TMEM266: variants seen among roughly 807,000 people sequenced by gnomAD.
TMEM266 encodes the protein transmembrane protein 266, also known as Hv1 related protein 1.
TMEM266 carries 33 observed loss-of-function variants against 50.5 expected under a neutral mutation model. That is an observed-to-expected ratio of 0.65 (90% CI 0.50 to 0.87). TMEM266 has a LOEUF of 0.87. Ranked by LOEUF, TMEM266 falls within the 40% of genes least tolerant of loss-of-function variation. TMEM266 has a pLI of 0.00. For missense variants in TMEM266, 655 were observed against 695.1 expected (o/e 0.94, Z 0.65); for synonymous variants, 310 against 292.3 (o/e 1.06, Z -0.62).
chr15:76,137,631 C>A (rs2037611472), intron 2 of TMEM266, 76 bp from the exon 3 acceptor site: 3 of 1,423,216 alleles, frequency 2.1e-6, no homozygotes, highest in African/African-American at 2.8e-5. Flanking sequence ...CATTCTCCCT[C>A]CTTTCCTTGA....
intron 1 of TMEM266, among the ~76,000 whole-genome samples, chr15:76,076,941 G>A (rs1161358306): frequency 1.3e-5 from 2 of 151,758 alleles, no homozygotes; most frequent in Non-Finnish European, 2.9e-5. Context: ...CTGAATAACC[G>A]TTTTTTTGTT....
chr15:76,080,092 C>T (rs879688812), intron 1 of TMEM266, among the ~76,000 whole-genome samples: 70 of 151,220 alleles, frequency 4.6e-4, no homozygotes, highest in Non-Finnish European at 6.5e-4. Context: ...TTCGGCCAGG[C>T]GTGGTTGCTC....
At chr15:76,067,769 A>AT (rs921660980) in intron 1 of TMEM266, among the ~76,000 whole-genome samples, 1 of 149,824 alleles carries the variant, frequency 6.7e-6, no homozygotes, top group Admixed American at 6.7e-5. Flanking sequence ...TCCTTGGGGT[A>AT]TTTTTTTGTG....
At chr15:76,126,347 G>A (rs1772834857) in intron 1 of TMEM266, among the ~76,000 whole-genome samples, 1 of 143,662 alleles carries the variant, frequency 7.0e-6, no homozygotes, top group African/African-American at 2.6e-5. Flanking sequence ...AAATATGTGT[G>A]TGTACACACA....
chr15:76,115,296 G>A (rs569891738), intron 1 of TMEM266, among the ~76,000 whole-genome samples: 1 of 152,222 alleles, frequency 6.6e-6, no homozygotes, highest in African/African-American at 2.4e-5. Flanking sequence ...TTCTTCCAAC[G>A]TATTGTTTCC....
rs535053103 is a variant in TMEM266, at chr15:76,115,262, A to T, written c.-96-18906A>T. 1.1e-4 allele frequency among the ~76,000 whole-genome samples: 17 copies of T among 152,310 alleles called. No individual in the cohort carries two copies. The South Asian group carries it at 3.3e-3, about 30-fold the overall frequency. ...AGACCTTTCAGACGATTGGGAATTC[A>T]TAGGGAACCGTCAAGTTGCTGCTTT... On this transcript the variant is annotated intron_variant, in intron 1 of 10. Coordinates refer to ENST00000388942, the MANE Select transcript of TMEM266 (RefSeq NM_152335.3).
At position 76,187,757 on chromosome 15, in the gene TMEM266, A is replaced by T. The variant is rs373707456; in HGVS notation, c.769-4211A>T. ...CATTGCATAGCCAGCATGAGGCCTC[A>T]GTCTTTGTCTTAACTTTGGGACAGG... On this transcript the variant is annotated intron_variant, in intron 8 of 10. Coordinates refer to ENST00000388942, the MANE Select transcript of TMEM266 (RefSeq NM_152335.3). Among the ~76,000 whole-genome samples, 17 of 152,320 alleles carry T rather than the reference A, an allele frequency of 1.1e-4. 1 individual carries two copies. In the East Asian group the frequency reaches 2.1e-3, roughly 19 times the overall value.
At chr15:76,172,660 G>T (rs918635056) in intron 7 of TMEM266, among the ~76,000 whole-genome samples, 1 of 152,202 alleles carries the variant, frequency 6.6e-6, no homozygotes, top group Non-Finnish European at 1.5e-5. Flanking sequence ...GGCTGGGAAG[G>T]CTCTGGGAGA....
chr15:76,142,079 C>A (rs371815873), intron 3 of TMEM266, among the ~76,000 whole-genome samples: 1 of 152,158 alleles, frequency 6.6e-6, no homozygotes, highest in African/African-American at 2.4e-5. Context: ...CAGACCTGTA[C>A]AAATATCTCT....
Position 76,156,606 on chromosome 15 carries a change from C to T in TMEM266, c.230C>T (p.Ser77Phe), listed in dbSNP as rs751493153. 1 of 1,613,824 alleles carries T rather than the reference C, an allele frequency of 6.2e-7. No homozygotes were observed. Among genetic ancestry groups the T allele is most frequent in the Non-Finnish European group, 8.5e-7 (1 of 1,179,992 alleles). Reference sequence around the variant, plus strand: ...TCTCCCCACTTTTGTCCCCACAGGTCTAACTGGCTGAAGCCGTGCTGTGGG... The same window carrying T: ...TCTCCCCACTTTTGTCCCCACAGGTTTAACTGGCTGAAGCCGTGCTGTGGG... The change falls in exon 4 of 11, where the codon TCT becomes TTT. Residue 77 changes from serine (S) to phenylalanine (F), a missense_variant and splice_region_variant. Ser to Phe is a radical substitution (Grantham distance 155). Transcript: ENST00000388942.
chr15:76,096,932 ATTTTTTT>A (rs61532742), intron 1 of TMEM266, among the ~76,000 whole-genome samples: 1 of 125,926 alleles, frequency 7.9e-6, no homozygotes, highest in African/African-American at 3.0e-5. Context: ...GCAACTCCTG[ATTTTTTT>A]TTTTTTTTTT....
At chr15:76,158,042 C>G (rs1241661483) in intron 4 of TMEM266, among the ~76,000 whole-genome samples, 1 of 151,978 alleles carries the variant, frequency 6.6e-6, no homozygotes, top group African/African-American at 2.4e-5. Flanking sequence ...GTACAATTAT[C>G]AGCTCCAGAG....
intron 5 of TMEM266, among the ~76,000 whole-genome samples, chr15:76,163,276 T>C (rs2038045067): frequency 6.6e-6 from 1 of 152,196 alleles, no homozygotes; most frequent in Non-Finnish European, 1.5e-5. Context: ...GCCATAGAGC[T>C]AGGCCCAGAG....
intron 7 of TMEM266, 92 bp from the exon 8 acceptor site, chr15:76,175,467 G>A (rs979241979): frequency 5.2e-6 from 5 of 964,526 alleles, no homozygotes; most frequent in Admixed American, 2.1e-5. Flanking sequence ...CCAGGGCCTC[G>A]AACCTGCTGC....
At chr15:76,141,402 AT>A (rs564199687) in intron 3 of TMEM266, among the ~76,000 whole-genome samples, 2,180 of 148,978 alleles carry the variant, frequency 0.015, 25 homozygotes, top group Middle Eastern at 0.027. Flanking sequence ...TGCCCAGCTA[AT>A]TTTTTTTTTC....
In TMEM266 at chr15:76,197,767, G is replaced by A. The variant is rs142243538; in HGVS notation, c.959-4435G>A. On this transcript the variant is annotated intron_variant, in intron 9 of 10. Coordinates refer to ENST00000388942, the MANE Select transcript of TMEM266 (RefSeq NM_152335.3). ...GGTCTGCACAGGGCATGTGGTTGGC[G>A]CCCCATGCCCCTCTGCCACACCACA... 7.4e-4 allele frequency among the ~76,000 whole-genome samples: 113 copies of A among 152,198 alleles called. 1 individual carries two copies. The highest frequency in any genetic ancestry group is 1.9e-3 in the African/African-American group (80 of 41,520).
At chr15:76,191,502 G>A (rs2038567774) in intron 8 of TMEM266, 1 of 153,514 alleles carries the variant, frequency 6.5e-6, no homozygotes, top group African/African-American at 2.4e-5. Context: ...CAGACCAGCG[G>A]GCAGTGACGC....
At chr15:76,098,567 A>G (rs2036954619) in intron 1 of TMEM266, among the ~76,000 whole-genome samples, 2 of 152,124 alleles carry the variant, frequency 1.3e-5, no homozygotes, top group Admixed American at 1.3e-4. Flanking sequence ...TCAGGGACCC[A>G]CTTGAGGAGG....
intron 1 of TMEM266, among the ~76,000 whole-genome samples, chr15:76,101,722 G>C (rs1176066090): frequency 2.6e-5 from 4 of 152,174 alleles, no homozygotes; most frequent in African/African-American, 9.7e-5. Flanking sequence ...ACAAAGAGGG[G>C]ATACACCGCT....
Sources: allele counts gnomAD v4.1 joint callset (sites outside exome capture counted in the v4.1 genomes callset), GRCh38; gene constraint gnomAD v4.1.1; transcripts MANE v1.5; gene names NCBI Gene and HGNC (gene_info 2026-07-23, HGNC 2026-07-21).